Variants in SMARCA4 observed in about 807,000 individuals in gnomAD.
The protein encoded by SMARCA4 is SWI/SNF-related matrix-associated actin-dependent regulator of chromatin subfamily A member 4.
A neutral mutation model predicts 193.9 loss-of-function variants in SMARCA4; 31 were observed. The observed-to-expected ratio is 0.16, with a 90% confidence interval of 0.12 to 0.22. The LOEUF is 0.22. Among genes scored for constraint, SMARCA4 ranks in the 10% least tolerant of loss-of-function variants. SMARCA4 has a pLI of 1.00. For missense variants in SMARCA4, 1,148 were observed against 2,296.0 expected, an observed-to-expected ratio of 0.50 and a Z score of 10.22; for synonymous variants, 942 against 933.1, an observed-to-expected ratio of 1.01 and a Z score of -0.17.
At position 11,017,852 on chromosome 19, in the gene SMARCA4, G is replaced by A. The variant is rs915679065; in HGVS notation, c.2439-1105G>A. Among the ~76,000 whole-genome samples, 7 of 152,344 alleles carry A rather than the reference G, an allele frequency of 4.6e-5. No homozygotes were observed. The East Asian group carries it at 1.4e-3, about 29-fold the overall frequency. On this transcript the variant is annotated intron_variant, in intron 16 of 34. Coordinates refer to ENST00000344626, the MANE Select transcript of SMARCA4 (RefSeq NM_003072.5). The stretch of plus-strand genomic sequence containing the variant: ...ATTCTTGGGTGACTCCAACCCTCAG[G>A]CTCCTTACCTCATGGTTGCAGGACG...
chr19:11,010,775 G>A (rs1176034741), intron 15 of SMARCA4: 1 of 544,964 alleles, frequency 1.8e-6, no homozygotes, highest in East Asian at 3.4e-5. Context: ...GATGTGCCAG[G>A]CAGAGTGGGA....
chr19:10,991,076 T>G, intron 7 of SMARCA4, 74 bp from the exon 8 acceptor site: 6 of 1,594,990 alleles, frequency 3.8e-6, no homozygotes, highest in Non-Finnish European at 2.6e-6. Context: ...GCATGTGACA[T>G]CACCATACGT....
chr19:11,035,233 C>T (rs1164865971), intron 29 of SMARCA4, 101 bp downstream of exon 29: 1 of 1,161,844 alleles, frequency 8.6e-7, no homozygotes, highest in African/African-American at 1.5e-5. Flanking sequence ...GTCCAAAATG[C>T]TTTCCTTGGG....
chr19:11,009,726 T>C (rs1046122606), intron 14 of SMARCA4, among the ~76,000 whole-genome samples: 11 of 147,418 alleles, frequency 7.5e-5, no homozygotes, highest in Admixed American at 1.4e-4. Context: ...TCTTGCTCTG[T>C]CGCCCAGGCT....
Position 11,058,194 on chromosome 19 carries a change from TG to T in SMARCA4, c.4425-57del. 1 of 927,582 alleles carries T rather than the reference TG, an allele frequency of 1.1e-6. No individual in the cohort carries two copies. The highest frequency in any genetic ancestry group is 1.6e-6 in the Non-Finnish European group (1 of 606,086). 57.5% of individuals were successfully genotyped at this position (927,582 alleles called of 1,614,324 possible). On this transcript the variant is annotated intron_variant, in intron 30 of 34. Coordinates refer to ENST00000344626, the MANE Select transcript of SMARCA4 (RefSeq NM_003072.5). This position sits in a 1 kb window ranked among gnomAD's most constrained non-coding sequence, Gnocchi z 5.8. Reference sequence around the variant, plus strand: ...TAAACAATGTGGGAACCTGCTGAGGTGGGGTGGGGGCTCCCGGGTGGGCGGA... The same window carrying T: ...TAAACAATGTGGGAACCTGCTGAGGTGGGTGGGGGCTCCCGGGTGGGCGGA...
chr19:11,042,143 G>A (rs182108476), intron 30 of SMARCA4, among the ~76,000 whole-genome samples: 4 of 152,342 alleles, frequency 2.6e-5, no homozygotes, highest in East Asian at 3.9e-4. Flanking sequence ...CCTGGAGATC[G>A]CTGTCCTCAC....
rs2075623480 is a variant in SMARCA4, at chr19:11,041,668, A to G, written c.4424+108A>G. 1.1e-6 allele frequency: 1 copy of G among 932,690 alleles called. No homozygotes were observed. The highest frequency in any genetic ancestry group is 1.6e-6 in the Non-Finnish European group (1 of 614,536). The allele number at this position is 932,690 out of a possible 1,614,324, so 57.8% of individuals were successfully genotyped here. On this transcript the variant is annotated intron_variant, in intron 30 of 34. Coordinates refer to ENST00000344626, the MANE Select transcript of SMARCA4 (RefSeq NM_003072.5). This position sits in a 1 kb window ranked among gnomAD's most constrained non-coding sequence, Gnocchi z 5.6. ...TCAGGCTTGGGCCGCTCACTCTTTC[A>G]CTCATCCACAAACACTGACTGAATC...
At chr19:11,021,023 G>T in intron 18 of SMARCA4, 1 of 157,730 alleles carries the variant, frequency 6.3e-6, no homozygotes, top group Non-Finnish European at 1.4e-5. Context: ...GGCCCAGGGA[G>T]CTGGGTATCC....
At chr19:11,024,276 G>A (rs943274207) in intron 20 of SMARCA4, 55 bp from the exon 21 acceptor site, 4 of 1,233,488 alleles carry the variant, frequency 3.2e-6, no homozygotes, top group South Asian at 2.4e-5. Flanking sequence ...TCGGATGGGG[G>A]GAGTCAGGCC....
At chr19:10,998,890 G>C (rs2087343125) in intron 11 of SMARCA4, among the ~76,000 whole-genome samples, 1 of 149,776 alleles carries the variant, frequency 6.7e-6, no homozygotes, top group South Asian at 2.1e-4. Context: ...AGGGAGTCCT[G>C]GTTCCTTTTT....
chr19:11,048,239 A>G (rs1173327475), intron 30 of SMARCA4, among the ~76,000 whole-genome samples: 1 of 147,624 alleles, frequency 6.8e-6, no homozygotes, highest in African/African-American at 2.6e-5. Flanking sequence ...TTTTTTTTTT[A>G]TTTATTTTTT....
In SMARCA4 at chr19:10,969,999, A is replaced by G. The variant is rs544645849; in HGVS notation, c.-32+8825A>G. 9.9e-5 allele frequency among the ~76,000 whole-genome samples: 15 copies of G among 152,284 alleles called. No homozygotes were observed. The South Asian group carries it at 1.9e-3, about 19-fold the overall frequency. On this transcript the variant is annotated intron_variant, in intron 1 of 34. Transcript: ENST00000344626. ...GCACCCACTTGCCCTCTGAGGTATG[A>G]TATGGAATATATTTGGTCTTTGCGC...
chr19:10,977,216 G>A (rs147662666), intron 1 of SMARCA4, among the ~76,000 whole-genome samples: 121 of 152,330 alleles, frequency 7.9e-4, no homozygotes, highest in African/African-American at 2.5e-3. Context: ...CCTGATGCGC[G>A]CCCAAGAGGG....
chr19:10,987,967 C>A lies in SMARCA4; in HGVS notation c.1118+43C>A. ...TTGCCAAGGTCACTGCCCTGTGTCC[C>A]CCATGTCCCCCTGGGGAAGCCACTC... On this transcript the variant is annotated intron_variant, in intron 6 of 34. Coordinates refer to ENST00000344626, the MANE Select transcript of SMARCA4 (RefSeq NM_003072.5). The surrounding 1 kb of genome is among the most constrained non-coding windows in gnomAD (Gnocchi z 5.3). The A allele has an allele frequency of 1.9e-6, 3 of 1,604,762 alleles. No homozygotes were observed. Among genetic ancestry groups the A allele is most frequent in the Non-Finnish European group, 2.6e-6 (3 of 1,175,454 alleles).
At chr19:11,046,499 G>C (rs1409299271) in intron 30 of SMARCA4, among the ~76,000 whole-genome samples, 1 of 152,190 alleles carries the variant, frequency 6.6e-6, no homozygotes, top group Non-Finnish European at 1.5e-5. Context: ...TGGACTGGGA[G>C]TAACTACGTT....
intron 1 of SMARCA4, among the ~76,000 whole-genome samples, chr19:10,968,439 A>G (rs2084409270): frequency 6.6e-6 from 1 of 152,074 alleles, no homozygotes; most frequent in African/African-American, 2.4e-5. Context: ...TGAGTGTGAT[A>G]GAGTAGCACG....
rs2089622665 is a variant in SMARCA4, at chr19:11,018,989, A to G, written c.2471A>G (p.Lys824Arg). The G allele has an allele frequency of 1.2e-6, 2 of 1,614,212 alleles. No homozygotes were observed. Among genetic ancestry groups the G allele is most frequent in the South Asian group, 1.1e-5 (1 of 91,090 alleles). ...TLSNWAYEFDKWAPSVVKVSY... is the reference protein window; with the variant it reads ...TLSNWAYEFDRWAPSVVKVSY... Reference sequence around the variant, plus strand: ...TCCAACTGGGCGTACGAGTTTGACAAGTGGGCCCCCTCCGTGGTGAAGGTG... The same window carrying G: ...TCCAACTGGGCGTACGAGTTTGACAGGTGGGCCCCCTCCGTGGTGAAGGTG... The change falls in exon 17 of 35, where the codon AAG becomes AGG. Residue 824 changes from lysine (K) to arginine (R), a missense_variant. Around this residue, in one of 17 missense-constraint regions of SMARCA4, gnomAD observed 54 missense variants for 123.3 expected, o/e 0.44. Transcript: ENST00000344626.
intron 6 of SMARCA4, 96 bp downstream of exon 6, chr19:10,988,020 T>C (rs2086219749): frequency 7.8e-7 from 1 of 1,284,098 alleles, no homozygotes; most frequent in Non-Finnish European, 1.1e-6. Context: ...TAGCAAACAG[T>C]GCCCTGTGCC....
chr19:10,983,905 C>G (rs2085779497), intron 1 of SMARCA4, among the ~76,000 whole-genome samples: 1 of 152,018 alleles, frequency 6.6e-6, no homozygotes, highest in African/African-American at 2.4e-5. Flanking sequence ...TGAGCGTGGC[C>G]CACCCCTTCC....
Sources: allele counts gnomAD v4.1 joint callset (sites outside exome capture counted in the v4.1 genomes callset), GRCh38; gene constraint gnomAD v4.1.1; regional missense constraint gnomAD v4.1.1; non-coding constraint Gnocchi (gnomAD v3.1); transcripts MANE v1.5; gene names NCBI Gene and HGNC (gene_info 2026-07-23, HGNC 2026-07-21).